Variants in PDE1C observed in about 807,000 individuals in gnomAD.
PDE1C encodes the protein dual specificity calcium/calmodulin-dependent 3',5'-cyclic nucleotide phosphodiesterase 1C.
PDE1C carries 62 observed loss-of-function variants against 93.1 expected under a neutral mutation model. The observed-to-expected ratio is 0.67, with a 90% CI of 0.54 to 0.82. The LOEUF (loss-of-function observed/expected upper bound fraction) is 0.82, where lower values mean the gene tolerates loss of function less well. Ranked by LOEUF, PDE1C falls within the 40% of genes least tolerant of loss-of-function variation. The pLI, the probability that PDE1C is intolerant of heterozygous loss-of-function variation, is 0.00. For missense variants in PDE1C, 742 were observed against 884.6 expected, an observed-to-expected ratio of 0.84 and a Z score of 2.04; for synonymous variants, 325 against 310.1, an observed-to-expected ratio of 1.05 and a Z score of -0.50.
chr7:32,275,098 T>C (rs1811196449), intron 1 of PDE1C, among the ~76,000 whole-genome samples: 1 of 152,168 alleles, frequency 6.6e-6, no homozygotes. Context: ...AGTCACACAG[T>C]TAGGGTTGCA....
At chr7:32,385,665 G>C (rs1426606570) in intron 1 of PDE1C, among the ~76,000 whole-genome samples, 1 of 152,208 alleles carries the variant, frequency 6.6e-6, no homozygotes, top group Non-Finnish European at 1.5e-5. Context: ...TATGGAAAGT[G>C]CCTGGAACAA....
intron 2 of PDE1C, among the ~76,000 whole-genome samples, chr7:31,959,803 G>A (rs1253466791): frequency 6.6e-6 from 1 of 152,092 alleles, no homozygotes; most frequent in Non-Finnish European, 1.5e-5. Context: ...AAGGAATGAT[G>A]TAAAAGTTCC....
intron 2 of PDE1C, among the ~76,000 whole-genome samples, chr7:32,206,556 T>A (rs1303556105): frequency 6.6e-6 from 1 of 152,156 alleles, no homozygotes; most frequent in East Asian, 1.9e-4. Context: ...CCACAGTGGG[T>A]TCCAGGAGCT....
chr7:31,720,317 T>C, the PDE1C span, among the ~76,000 whole-genome samples: 1 of 152,074 alleles, frequency 6.6e-6, no homozygotes, highest in Non-Finnish European at 1.5e-5. Context: ...TAATGGCCTT[T>C]AAGGAAAGCC....
intron 3 of PDE1C, among the ~76,000 whole-genome samples, chr7:32,141,394 G>A (rs1012749355): frequency 5.9e-5 from 9 of 152,218 alleles, no homozygotes; most frequent in Non-Finnish European, 8.8e-5. Flanking sequence ...CTTTAAAGTA[G>A]AGAAATTTGG....
At chr7:31,666,926 C>A in the PDE1C span, among the ~76,000 whole-genome samples, 1 of 152,100 alleles carries the variant, frequency 6.6e-6, no homozygotes, top group Non-Finnish European at 1.5e-5. Flanking sequence ...GACAAAAGTC[C>A]AGCAGTGGGT....
chr7:31,909,611 G>A (rs1800987146), intron 2 of PDE1C, among the ~76,000 whole-genome samples: 1 of 152,060 alleles, frequency 6.6e-6, no homozygotes, highest in Non-Finnish European at 1.5e-5. Context: ...GAGATGCATT[G>A]TACAAAACAT....
chr7:32,307,416 C>G (rs11763545), intron 1 of PDE1C, among the ~76,000 whole-genome samples: 4,211 of 152,292 alleles, frequency 0.028, 114 homozygotes, highest in African/African-American at 0.065. Context: ...ACACACATCC[C>G]TTCCTCCCAC....
At chr7:31,681,887 A>C in the PDE1C span, among the ~76,000 whole-genome samples, 103 of 152,354 alleles carry the variant, frequency 6.8e-4, no homozygotes, top group Non-Finnish European at 1.3e-3. Context: ...ACCAGTAACC[A>C]TAACAAGTTG....
the PDE1C span, among the ~76,000 whole-genome samples, chr7:31,617,559 G>C: frequency 6.6e-6 from 1 of 152,112 alleles, no homozygotes; most frequent in East Asian, 1.9e-4. Flanking sequence ...AATTATTTAA[G>C]AGAAAATACA....
intron 1 of PDE1C, among the ~76,000 whole-genome samples, chr7:32,281,522 C>T (rs1056886329): frequency 6.6e-6 from 1 of 152,230 alleles, no homozygotes; most frequent in East Asian, 1.9e-4. Context: ...GAGTTCAAGG[C>T]TGCAGTGAGC....
chr7:31,852,334 T>C (rs571734978), intron 7 of PDE1C, among the ~76,000 whole-genome samples: 3 of 152,230 alleles, frequency 2.0e-5, no homozygotes, highest in Non-Finnish European at 4.4e-5. Context: ...TCTTCAATAA[T>C]ATACCTCAAA....
rs568301250 is a variant in PDE1C at position 31,939,000 on chromosome 7, T to A, written c.129-58140A>T. On this transcript the variant is annotated intron_variant, in intron 2 of 17. Coordinates refer to ENST00000396191, the MANE Select transcript of PDE1C (RefSeq NM_001191057.4). The stretch of plus-strand genomic sequence containing the variant: ...TTAGCTCCCAGTGGCATGTTCTAGG[T>A]ATTGCACAGGACAATTCAGAAGCAT... 7.2e-5 allele frequency among the ~76,000 whole-genome samples: 11 copies of A among 152,304 alleles called. No homozygotes were observed. The East Asian group carries it at 2.1e-3, about 29-fold the overall frequency.
chr7:32,194,403 CAATTAT>C (rs1562566691), intron 2 of PDE1C, among the ~76,000 whole-genome samples: 1 of 152,120 alleles, frequency 6.6e-6, no homozygotes. Flanking sequence ...TTGATGTCTC[CAATTAT>C]AATTGTAGAT....
At chr7:32,334,383 A>G (rs981911789) in intron 1 of PDE1C, among the ~76,000 whole-genome samples, 2 of 152,088 alleles carry the variant, frequency 1.3e-5, no homozygotes, top group African/African-American at 4.8e-5. Context: ...TTTTGCCTCA[A>G]TATTAGGATA....
At chr7:31,696,551 T>C in the PDE1C span, among the ~76,000 whole-genome samples, 1 of 152,118 alleles carries the variant, frequency 6.6e-6, no homozygotes, top group Admixed American at 6.5e-5. Flanking sequence ...GGTGGAAGTG[T>C]GCAGACGCAG....
At chr7:32,077,878 T>G (rs1463616015) in intron 3 of PDE1C, 5 of 985,210 alleles carry the variant, frequency 5.1e-6, no homozygotes, top group Non-Finnish European at 6.0e-6. Context: ...ACCTCCAGTT[T>G]AGAAATGAGG....
chr7:31,816,416 T>G (rs74581008), intron 14 of PDE1C, among the ~76,000 whole-genome samples: 4,161 of 152,230 alleles, frequency 0.027, 69 homozygotes, highest in East Asian at 0.067. Context: ...ATATTATAAT[T>G]GTATTATTAA....
chr7:32,154,605 A>G (rs948777543), intron 3 of PDE1C, among the ~76,000 whole-genome samples: 1 of 152,218 alleles, frequency 6.6e-6, no homozygotes, highest in Non-Finnish European at 1.5e-5. Context: ...CATTTTGCAG[A>G]AAAGAAAACT....
Sources: gnomAD v4.1 joint callset for allele counts (sites outside exome capture counted in the v4.1 genomes callset) on GRCh38, gnomAD v4.1.1 for gene constraint, MANE v1.5 for transcripts, NCBI Gene and HGNC (gene_info 2026-07-23, HGNC 2026-07-21) for gene names.